Variants in IL1RAPL1 observed in about 807,000 individuals in gnomAD.
The protein encoded by IL1RAPL1 is interleukin-1 receptor accessory protein-like 1.
A neutral mutation model predicts 48.4 loss-of-function variants in IL1RAPL1; 3 were observed. The observed-to-expected ratio is 0.06, with a 90% CI of 0.03 to 0.16. The LOEUF is 0.16. IL1RAPL1 is among the 10% of genes least tolerant of loss of function. IL1RAPL1 has a pLI of 1.00. For missense variants in IL1RAPL1, 349 were observed against 530.6 expected (o/e 0.66, Z 3.36); for synonymous variants, 185 against 187.7 (o/e 0.99, Z 0.12).
chrX:28,769,173 G>GTA lies in IL1RAPL1; in HGVS notation c.-24-20137_-24-20136dup, dbSNP rs1380176585. ...TGTGTATGTGTGTGTGTGTGTATGAGTATATATATATGAGATTATATGGGA... is the reference window on the plus strand; with the variant it reads ...TGTGTATGTGTGTGTGTGTGTATGAGTATATATATATATGAGATTATATGGGA... On this transcript the variant is annotated intron_variant, in intron 1 of 10. Transcript: ENST00000378993. 5.5e-5 allele frequency among the ~76,000 whole-genome samples: 6 copies of GTA among 108,819 alleles called. No homozygotes were observed. In the East Asian group the frequency reaches 1.2e-3, roughly 21 times the overall value. 94.5% of individuals were successfully genotyped at this position (108,819 alleles called of 115,157 possible). A position where few individuals can be genotyped will look rare whatever the true frequency, so the allele number is the denominator to read the frequency against.
At chrX:29,255,766 G>A (rs778004523) in intron 2 of IL1RAPL1, among the ~76,000 whole-genome samples, 10 of 110,973 alleles carry the variant, frequency 9.0e-5, no homozygotes, top group Non-Finnish European at 1.9e-4. Flanking sequence ...AGCTGCATCC[G>A]TGTTGCTGCA....
chrX:29,743,997 C>T (rs1420868579), intron 6 of IL1RAPL1, among the ~76,000 whole-genome samples: 1 of 111,647 alleles, frequency 9.0e-6, no homozygotes, highest in Non-Finnish European at 1.9e-5. Flanking sequence ...GAATGAACAA[C>T]ATTGCAAGCA....
intron 2 of IL1RAPL1, among the ~76,000 whole-genome samples, chrX:29,130,828 C>T (rs1929004714): frequency 8.9e-6 from 1 of 112,340 alleles, no homozygotes; most frequent in African/African-American, 3.2e-5. Context: ...TTGCTTACTT[C>T]AAGTTTTAAA....
intron 5 of IL1RAPL1, among the ~76,000 whole-genome samples, chrX:29,544,699 C>T (rs187248078): frequency 9.4e-6 from 1 of 106,871 alleles, no homozygotes; most frequent in East Asian, 3.0e-4. Flanking sequence ...CAGAAGCCTA[C>T]TAGTGTTTTC....
intron 2 of IL1RAPL1, among the ~76,000 whole-genome samples, chrX:29,037,415 G>A (rs1926753131): frequency 9.0e-6 from 1 of 111,054 alleles, no homozygotes; most frequent in African/African-American, 3.3e-5. Context: ...TTGCTTAACT[G>A]GTTTCTAATT....
At chrX:28,667,591 T>G (rs1934896113) in intron 1 of IL1RAPL1, among the ~76,000 whole-genome samples, 1 of 112,210 alleles carries the variant, frequency 8.9e-6, no homozygotes, top group African/African-American at 3.2e-5. Context: ...AACACCCTTC[T>G]GATGACTACA....
chrX:29,158,623 C>T (rs1045258019), intron 2 of IL1RAPL1, among the ~76,000 whole-genome samples: 8 of 110,771 alleles, frequency 7.2e-5, no homozygotes, highest in East Asian at 2.9e-4. Context: ...GTTATCTGCC[C>T]GACTCGGCCT....
intron 3 of IL1RAPL1, among the ~76,000 whole-genome samples, chrX:29,385,964 G>C (rs920284993): frequency 8.9e-6 from 1 of 112,150 alleles, no homozygotes; most frequent in Non-Finnish European, 1.9e-5. Flanking sequence ...ATACACAAGG[G>C]TTCTAATTTC....
At chrX:28,653,474 C>CAA (rs56944561) in intron 1 of IL1RAPL1, among the ~76,000 whole-genome samples, 1 of 99,881 alleles carries the variant, frequency 1.0e-5, no homozygotes, top group Non-Finnish European at 2.1e-5. Flanking sequence ...GACTGGGTCT[C>CAA]AAAAAAAAAA....
chrX:29,948,868 A>G (rs1933261757), intron 9 of IL1RAPL1, among the ~76,000 whole-genome samples: 1 of 110,190 alleles, frequency 9.1e-6, no homozygotes, highest in South Asian at 3.8e-4. Context: ...AGGAATGGCC[A>G]GCTGCCAAAA....
At chrX:29,042,579 T>C (rs1462107722) in intron 2 of IL1RAPL1, among the ~76,000 whole-genome samples, 1 of 111,669 alleles carries the variant, frequency 9.0e-6, no homozygotes, top group Non-Finnish European at 1.9e-5. Context: ...GACCTGTACA[T>C]TTTCAGCCCT....
At chrX:29,111,511 G>A (rs1052177159) in intron 2 of IL1RAPL1, among the ~76,000 whole-genome samples, 1 of 111,455 alleles carries the variant, frequency 9.0e-6, no homozygotes, top group Non-Finnish European at 1.9e-5. Flanking sequence ...ATGGTGGGTG[G>A]CTTGATCTCA....
rs151283361 is a variant in IL1RAPL1 at position 29,157,062 on chromosome X, A to G, written c.83-125876A>G. On this transcript the variant is annotated intron_variant, in intron 2 of 10. Transcript: ENST00000378993. ...CTTGGAGTTAAAGAGATAAGAGAAC[A>G]GAGAGGCTAGAATGTTAGACAGAGC... Among the ~76,000 whole-genome samples, 97 of 111,876 alleles carry G rather than the reference A, an allele frequency of 8.7e-4. 1 individual carries two copies. Among genetic ancestry groups the G allele is most frequent in the East Asian group, 6.5e-3 (23 of 3,554 alleles).
rs192237835 is a variant in IL1RAPL1, at chrX:28,800,340, A to G, written c.82+10915A>G. On this transcript the variant is annotated intron_variant, in intron 2 of 10. Coordinates refer to ENST00000378993, the MANE Select transcript of IL1RAPL1 (RefSeq NM_014271.4). ...TTTATCCAAATAAATTCATATGCAC[A>G]GGTCTTGGCGGACATATCTTTTGGG... Among the ~76,000 whole-genome samples the G allele has an allele frequency of 6.7e-3, 749 of 112,519 alleles. 5 individuals carry two copies. Among genetic ancestry groups the G allele is most frequent in the Middle Eastern group, 0.014 (3 of 219 alleles).
chrX:29,700,010 G>T (rs1049351745), intron 6 of IL1RAPL1, among the ~76,000 whole-genome samples: 2 of 111,422 alleles, frequency 1.8e-5, no homozygotes, highest in Non-Finnish European at 3.8e-5. Flanking sequence ...GTCCATACTT[G>T]GTATCTCTTT....
chrX:29,344,321 G>C (rs1357774261), intron 3 of IL1RAPL1, among the ~76,000 whole-genome samples: 1 of 111,435 alleles, frequency 9.0e-6, no homozygotes, highest in Non-Finnish European at 1.9e-5. Context: ...GTGGCTTTTT[G>C]GCCATACTTA....
At chrX:29,609,833 A>G (rs1924034312) in intron 5 of IL1RAPL1, among the ~76,000 whole-genome samples, 1 of 112,527 alleles carries the variant, frequency 8.9e-6, no homozygotes, top group Non-Finnish European at 1.9e-5. Context: ...CAGCATAAGA[A>G]TCTGCTTTTA....
At position 29,873,529 on chromosome X, in the gene IL1RAPL1, C is replaced by T. The variant is rs138055382; in HGVS notation, c.779-43935C>T. ...GGGAGTTTGTTAGACCCCCCACTTC[C>T]GCCCTGTGATGACACAGCAAAAAGT... is the stretch of plus-strand genomic sequence containing the variant. On this transcript the variant is annotated intron_variant, in intron 6 of 10. Transcript: ENST00000378993. Among the ~76,000 whole-genome samples, 391 of 111,598 alleles carry T rather than the reference C, an allele frequency of 3.5e-3. 3 individuals are homozygous for T. Among genetic ancestry groups the T allele is most frequent in the African/African-American group, 0.012 (357 of 30,700 alleles).
intron 5 of IL1RAPL1, among the ~76,000 whole-genome samples, chrX:29,569,880 G>C (rs1922539758): frequency 8.9e-6 from 1 of 111,884 alleles, no homozygotes; most frequent in Non-Finnish European, 1.9e-5. Context: ...TAGCCAGGTA[G>C]TGTTATTTGC....
Sources: allele counts gnomAD v4.1 joint callset (sites outside exome capture counted in the v4.1 genomes callset), GRCh38; gene constraint gnomAD v4.1.1; transcripts MANE v1.5; gene names NCBI Gene and HGNC (gene_info 2026-07-23, HGNC 2026-07-21).